CDK6: variants seen among roughly 807,000 people sequenced by gnomAD.
The protein encoded by CDK6 is cyclin dependent kinase 6.
CDK6 carries 6 observed loss-of-function variants against 37.1 expected under a neutral mutation model. That is an observed-to-expected ratio of 0.16 (90% CI 0.09 to 0.32). The LOEUF (loss-of-function observed/expected upper bound fraction) is 0.32. CDK6 is among the 10% of genes least tolerant of loss of function. The pLI, the probability that CDK6 is intolerant of heterozygous loss-of-function variation, is 1.00. For synonymous variants in CDK6, 160 were observed against 161.3 expected, an observed-to-expected ratio of 0.99 and a Z score of 0.06; for missense variants, 224 against 418.9, an observed-to-expected ratio of 0.53 and a Z score of 4.06.
intron 5 of CDK6, among the ~76,000 whole-genome samples, chr7:92,629,832 C>T (rs964418474): frequency 6.6e-6 from 1 of 152,108 alleles, no homozygotes; most frequent in South Asian, 2.1e-4. Context: ...GATCAGGGTG[C>T]TAGCATGGTA....
intron 4 of CDK6, among the ~76,000 whole-genome samples, chr7:92,717,690 T>C (rs1798263999): frequency 6.6e-6 from 1 of 152,138 alleles, no homozygotes; most frequent in African/African-American, 2.4e-5. Flanking sequence ...CCAGAACTAA[T>C]TCGCAACAGT....
chr7:92,674,306 G>T (rs915934604), intron 4 of CDK6, among the ~76,000 whole-genome samples: 1 of 152,170 alleles, frequency 6.6e-6, no homozygotes, highest in African/African-American at 2.4e-5. Context: ...TGCAGCACCA[G>T]CTGCTATCTG....
At chr7:92,735,803 C>T (rs937454612) in intron 3 of CDK6, among the ~76,000 whole-genome samples, 3 of 152,042 alleles carry the variant, frequency 2.0e-5, no homozygotes, top group Non-Finnish European at 2.9e-5. Flanking sequence ...ACATTCTCAC[C>T]GATTAAACTG....
At chr7:92,818,695 G>A (rs1379653219) in intron 2 of CDK6, among the ~76,000 whole-genome samples, 2 of 152,092 alleles carry the variant, frequency 1.3e-5, no homozygotes, top group East Asian at 3.9e-4. Flanking sequence ...AATCCATGTA[G>A]CTGACAAAAG....
chr7:92,617,430 C>G (rs42041), intron 7 of CDK6, among the ~76,000 whole-genome samples: 31,238 of 152,142 alleles, frequency 0.21, 3,556 homozygotes, highest in Middle Eastern at 0.28. Context: ...GGAGGTAAAG[C>G]AGACACTCAT....
intron 4 of CDK6, among the ~76,000 whole-genome samples, chr7:92,712,834 C>CTATGTATGTATGTATG (rs4015287): frequency 1.0e-4 from 15 of 146,426 alleles, no homozygotes; most frequent in African/African-American, 1.8e-4. Flanking sequence ...GACATTAATC[C>CTATGTATGTATGTATG]TATGTATGTA....
intron 2 of CDK6, among the ~76,000 whole-genome samples, chr7:92,803,937 T>TG (rs979718945): frequency 3.3e-5 from 5 of 152,208 alleles, no homozygotes; most frequent in African/African-American, 1.2e-4. Context: ...TCAACCTATA[T>TG]AAGCCATCTA....
chr7:92,685,716 G>A (rs1024478686), intron 4 of CDK6, among the ~76,000 whole-genome samples: 3 of 152,194 alleles, frequency 2.0e-5, no homozygotes, highest in Non-Finnish European at 4.4e-5. Context: ...GAGAGACAGA[G>A]AAGTCAAAAG....
At chr7:92,774,271 C>T (rs1375903175) in intron 3 of CDK6, among the ~76,000 whole-genome samples, 5 of 152,064 alleles carry the variant, frequency 3.3e-5, no homozygotes, top group African/African-American at 7.2e-5. Flanking sequence ...TAGGTTGTCC[C>T]GGAGTTATTA....
chr7:92,663,635 AG>A (rs1369697296), intron 5 of CDK6, among the ~76,000 whole-genome samples: 2 of 151,486 alleles, frequency 1.3e-5, no homozygotes, highest in Non-Finnish European at 2.9e-5. Context: ...CAGGAGGCGG[AG>A]GTTGCAGTGA....
rs1251326449 is a variant in CDK6, at chr7:92,612,737, C to T, written c.*2403G>A. ...TACTCATTTAAAATTCTAAAGAATGCTGAAAAATTCCAGTTCAGAACAGCT... is the reference window on the plus strand; with the variant it reads ...TACTCATTTAAAATTCTAAAGAATGTTGAAAAATTCCAGTTCAGAACAGCT... On this transcript the variant is annotated 3_prime_UTR_variant, in exon 8 of 8. Transcript: ENST00000424848. The T allele has an allele frequency of 4.3e-6, 1 of 233,104 alleles. No individual in the cohort carries two copies. Among genetic ancestry groups the T allele is most frequent in the East Asian group, 6.1e-5 (1 of 16,526 alleles). 14.4% of individuals were successfully genotyped at this position (233,104 alleles called of 1,614,324 possible). A position where few individuals can be genotyped will look rare whatever the true frequency, so the allele number is the denominator to read the frequency against.
chr7:92,606,172 C>T lies in CDK6; in HGVS notation c.*8968G>A, dbSNP rs1043694628. ...CCTGTAGATGGAGAGAAAACAGCAGCCTGGAATGTGGTTTATATTCTTGAT... is the reference window on the plus strand; with the variant it reads ...CCTGTAGATGGAGAGAAAACAGCAGTCTGGAATGTGGTTTATATTCTTGAT... On this transcript the variant is annotated 3_prime_UTR_variant, in exon 8 of 8. Coordinates refer to ENST00000424848, the MANE Select transcript of CDK6 (RefSeq NM_001145306.2). 3 of 233,376 alleles carry T rather than the reference C, an allele frequency of 1.3e-5. No individual in the cohort carries two copies. The highest frequency in any genetic ancestry group is 2.5e-5 in the Non-Finnish European group (3 of 117,940). The allele number at this position is 233,376 out of a possible 1,614,324, so 14.5% of individuals were successfully genotyped here.
At chr7:92,627,695 T>G (rs1279028177) in intron 5 of CDK6, among the ~76,000 whole-genome samples, 2 of 152,004 alleles carry the variant, frequency 1.3e-5, no homozygotes, top group Non-Finnish European at 2.9e-5. Flanking sequence ...ATAAAAATGT[T>G]CTAAAATCGA....
intron 4 of CDK6, among the ~76,000 whole-genome samples, chr7:92,717,730 G>A (rs1429156779): frequency 1.3e-5 from 2 of 152,202 alleles, no homozygotes; most frequent in Non-Finnish European, 2.9e-5. Context: ...AGAATTAGGT[G>A]AGTCAAATGA....
chr7:92,615,074 T>G lies in CDK6; in HGVS notation c.*66A>C. 3.8e-6 allele frequency: 6 copies of G among 1,567,288 alleles called. No individual in the cohort carries two copies. The highest frequency in any genetic ancestry group is 5.2e-6 in the Non-Finnish European group (6 of 1,144,306). ...TCCTCCACAGCTCTGTAGGGCTTGC[T>G]GAGGGGGACCCATAAGCCACCAAGG... On this transcript the variant is annotated 3_prime_UTR_variant, in exon 8 of 8. Coordinates refer to ENST00000424848, the MANE Select transcript of CDK6 (RefSeq NM_001145306.2).
At chr7:92,773,579 A>C (rs1408199647) in intron 3 of CDK6, among the ~76,000 whole-genome samples, 1 of 152,238 alleles carries the variant, frequency 6.6e-6, no homozygotes, top group Non-Finnish European at 1.5e-5. Flanking sequence ...AAGATGGCCA[A>C]GAACAGGTAA....
At chr7:92,764,325 G>T (rs1322480150) in intron 3 of CDK6, among the ~76,000 whole-genome samples, 1 of 152,018 alleles carries the variant, frequency 6.6e-6, no homozygotes, top group East Asian at 1.9e-4. Context: ...TTTTTGTCAA[G>T]ACAGGGTTTC....
chr7:92,777,523 G>A (rs1446588281), intron 2 of CDK6, among the ~76,000 whole-genome samples: 1 of 152,228 alleles, frequency 6.6e-6, no homozygotes, highest in Non-Finnish European at 1.5e-5. Context: ...TGGGATTACA[G>A]GTGTGAGCCA....
intron 3 of CDK6, among the ~76,000 whole-genome samples, chr7:92,762,660 C>A (rs1022806978): frequency 6.6e-6 from 1 of 151,790 alleles, no homozygotes; most frequent in African/African-American, 2.4e-5. Flanking sequence ...CTCTGCCTCC[C>A]GGATTCAAGC....
Sources: gnomAD v4.1 joint callset for allele counts (sites outside exome capture counted in the v4.1 genomes callset) on GRCh38, gnomAD v4.1.1 for gene constraint, MANE v1.5 for transcripts, NCBI Gene and HGNC (gene_info 2026-07-23, HGNC 2026-07-21) for gene names.